IL20RB: variants seen among roughly 807,000 people sequenced by gnomAD.
IL20RB encodes the protein interleukin-20 receptor subunit beta.
IL20RB carries 21 observed loss-of-function variants against 33.3 expected under a neutral mutation model. The ratio of observed to expected loss-of-function variants is 0.63; its 90% CI spans 0.45 to 0.91. The LOEUF (loss-of-function observed/expected upper bound fraction) is 0.91, where lower values mean the gene tolerates loss of function less well. IL20RB is among the 40% of genes least tolerant of loss of function. The pLI, the probability that IL20RB is intolerant of heterozygous loss-of-function variation, is 0.00. For missense variants in IL20RB, 345 were observed against 384.8 expected (o/e 0.90, Z 0.86); for synonymous variants, 147 against 146.8 (o/e 1.00, Z -0.01).
At chr3:136,962,610 A>G (rs112689291) in intron 1 of IL20RB, among the ~76,000 whole-genome samples, 71 of 151,912 alleles carry the variant, frequency 4.7e-4, no homozygotes, top group African/African-American at 1.5e-3. Flanking sequence ...AAATTAGCCA[A>G]GTATGGTGGT....
intron 6 of IL20RB, 144 bp from the exon 7 acceptor site, chr3:137,009,968 CT>C: frequency 5.2e-6 from 3 of 579,542 alleles, no homozygotes; most frequent in South Asian, 2.2e-5. Context: ...TTGGAAGCCC[CT>C]GATCTAGGGC....
chr3:136,999,910 C>G (rs1219697305), intron 6 of IL20RB, among the ~76,000 whole-genome samples: 1 of 152,082 alleles, frequency 6.6e-6, no homozygotes, highest in African/African-American at 2.4e-5. Flanking sequence ...TTTCTTCTGT[C>G]TTTGAGCATC....
chr3:136,981,094 A>G (rs766533668), intron 2 of IL20RB, among the ~76,000 whole-genome samples: 1 of 152,176 alleles, frequency 6.6e-6, no homozygotes, highest in Non-Finnish European at 1.5e-5. Context: ...TTCATTAACA[A>G]TGAATACAGA....
chr3:137,010,016 G>T (rs931901691), intron 6 of IL20RB, 97 bp from the exon 7 acceptor site: 7 of 690,596 alleles, frequency 1.0e-5, no homozygotes, highest in Middle Eastern at 4.1e-4. Context: ...TTGCTGCTTG[G>T]AAATTAATTA....
chr3:137,010,102 T>G lies in IL20RB; in HGVS notation c.826-11T>G, dbSNP rs1183651901. On this transcript the variant is annotated splice_polypyrimidine_tract_variant and intron_variant, in intron 6 of 6. Coordinates refer to ENST00000329582, the MANE Select transcript of IL20RB (RefSeq NM_144717.4). Reference sequence around the variant, plus strand: ...ATCCTCTAATGAATATTAATGAAAATTATTTTTCAGAAAATAACCAATTCA... The same window carrying G: ...ATCCTCTAATGAATATTAATGAAAAGTATTTTTCAGAAAATAACCAATTCA... 7.4e-7 allele frequency: 1 copy of G among 1,344,916 alleles called. No homozygotes were observed. Among genetic ancestry groups the G allele is most frequent in the Non-Finnish European group, 1.1e-6 (1 of 934,084 alleles). 83.3% of individuals were successfully genotyped at this position (1,344,916 alleles called of 1,614,324 possible).
At chr3:137,001,010 A>G (rs1003589207) in intron 6 of IL20RB, among the ~76,000 whole-genome samples, 9 of 152,156 alleles carry the variant, frequency 5.9e-5, no homozygotes, top group Middle Eastern at 3.2e-3. Flanking sequence ...AACCATGTAA[A>G]GGGTTAATAA....
chr3:136,989,208 T>C (rs948258338), intron 3 of IL20RB, among the ~76,000 whole-genome samples: 5 of 152,356 alleles, frequency 3.3e-5, no homozygotes, highest in South Asian at 2.1e-4. Flanking sequence ...AAGAGAATTA[T>C]AGCATTTGTC....
At chr3:136,995,718 G>T (rs1327726276) in intron 6 of IL20RB, among the ~76,000 whole-genome samples, 162 bp downstream of exon 6, 1 of 152,192 alleles carries the variant, frequency 6.6e-6, no homozygotes, top group Non-Finnish European at 1.5e-5. Context: ...TTTCTAACTA[G>T]AGGTACTGGA....
At chr3:137,007,839 G>A (rs1560079531) in intron 6 of IL20RB, among the ~76,000 whole-genome samples, 1 of 152,150 alleles carries the variant, frequency 6.6e-6, no homozygotes, top group Admixed American at 6.6e-5. Context: ...TACCTCAGTT[G>A]GAAATGCAGA....
intron 1 of IL20RB, among the ~76,000 whole-genome samples, chr3:136,978,323 AC>A (rs980274178): frequency 2.6e-5 from 4 of 151,400 alleles, no homozygotes; most frequent in Non-Finnish European, 4.4e-5. Context: ...GTGCCACCAC[AC>A]CCAGCTAATT....
chr3:136,980,581 C>G lies in IL20RB; in HGVS notation c.204C>G (p.Val68=). 1.2e-6 allele frequency: 2 copies of G among 1,614,166 alleles called. No homozygotes were observed. Among genetic ancestry groups the G allele is most frequent in the Non-Finnish European group, 1.7e-6 (2 of 1,180,034 alleles). Residue 68 remains valine, a synonymous_variant, in exon 2 of 7, where the codon GTC becomes GTG. Coordinates refer to ENST00000329582, the MANE Select transcript of IL20RB (RefSeq NM_144717.4). The part of the protein sequence containing the change: ...IAPGETVYYS[V]EYQGEYESLY... ...CTGGAGAAACAGTGTACTATTCTGT[C>G]GAATACCAGGGGTGAGTTTTTTCTT...
chr3:136,962,866 CAAAA>C (rs34403415), intron 1 of IL20RB, among the ~76,000 whole-genome samples: 29 of 113,168 alleles, frequency 2.6e-4, no homozygotes, highest in Admixed American at 3.6e-4. Flanking sequence ...GGATTTTGGC[CAAAA>C]AAAAAAAAAA....
intron 1 of IL20RB, among the ~76,000 whole-genome samples, chr3:136,973,869 A>G (rs1941552036): frequency 6.6e-6 from 1 of 152,170 alleles, no homozygotes; most frequent in Non-Finnish European, 1.5e-5. Flanking sequence ...CTTATTTGAT[A>G]TAAGTATAGC....
At chr3:137,001,161 T>C (rs1942234998) in intron 6 of IL20RB, among the ~76,000 whole-genome samples, 1 of 152,220 alleles carries the variant, frequency 6.6e-6, no homozygotes. Flanking sequence ...TGGAAGACTC[T>C]GTGACAGTAT....
chr3:136,980,596 A>G lies in IL20RB; in HGVS notation c.215+4A>G. Reference sequence around the variant, plus strand: ...ACTATTCTGTCGAATACCAGGGGTGAGTTTTTTCTTTTAATAGTTCTTCTC... The same window carrying G: ...ACTATTCTGTCGAATACCAGGGGTGGGTTTTTTCTTTTAATAGTTCTTCTC... On this transcript the variant is annotated splice_donor_region_variant and intron_variant, in intron 2 of 6. Transcript: ENST00000329582. 1 of 1,614,076 alleles carries G rather than the reference A, an allele frequency of 6.2e-7. No homozygotes were observed. Among genetic ancestry groups the G allele is most frequent in the Non-Finnish European group, 8.5e-7 (1 of 1,180,006 alleles).
At position 137,003,466 on chromosome 3, in the gene IL20RB, T is replaced by C. The variant is rs1280981919; in HGVS notation, c.826-6647T>C. On this transcript the variant is annotated intron_variant, in intron 6 of 6. Transcript: ENST00000329582. ...TTCGTTGAGCAGTGATTTGTAGTGC[T>C]CCTTGAAGAGGTCCTTCACATCCCT... Among the ~76,000 whole-genome samples the C allele has an allele frequency of 4.6e-5, 7 of 152,208 alleles. No homozygotes were observed. The East Asian group carries it at 1.2e-3, about 25-fold the overall frequency.
intron 3 of IL20RB, among the ~76,000 whole-genome samples, chr3:136,985,528 T>G (rs968956788): frequency 2.0e-5 from 3 of 151,958 alleles, no homozygotes; most frequent in African/African-American, 7.2e-5. Flanking sequence ...GTAGAGACAG[T>G]GTTTCACTAT....
chr3:137,004,391 G>T (rs538311673), intron 6 of IL20RB, among the ~76,000 whole-genome samples: 1 of 152,246 alleles, frequency 6.6e-6, no homozygotes, highest in East Asian at 1.9e-4. Flanking sequence ...AATCCGTCTG[G>T]TCCTGGACTT....
In IL20RB at chr3:136,957,999, C is replaced by G. The variant is rs530284720; in HGVS notation, c.-115C>G. 1.5e-6 allele frequency: 1 copy of G among 688,026 alleles called. No homozygotes were observed. 42.6% of individuals were successfully genotyped at this position (688,026 alleles called of 1,614,324 possible). A position where few individuals can be genotyped will look rare whatever the true frequency, so the allele number is the denominator to read the frequency against. On this transcript the variant is annotated 5_prime_UTR_variant, in exon 1 of 7. Transcript: ENST00000329582. ...GCCGGCTCTAGAACAATTCAGGCTT[C>G]GCTGCGACTCAGACCTCAGCTCCAA... is the stretch of plus-strand genomic sequence containing the variant.
Sources: allele counts gnomAD v4.1 joint callset (sites outside exome capture counted in the v4.1 genomes callset), GRCh38; gene constraint gnomAD v4.1.1; transcripts MANE v1.5; gene names NCBI Gene and HGNC (gene_info 2026-07-23, HGNC 2026-07-21).